Variants in FSTL5 observed in about 807,000 individuals in gnomAD.
FSTL5 encodes follistatin-related protein 5.
In FSTL5, 62 loss-of-function variants were observed where a neutral mutation model predicts 89.1. That is an observed-to-expected ratio of 0.70 (90% confidence interval 0.57 to 0.86). The LOEUF is 0.86. Ranked by LOEUF, FSTL5 falls within the 40% of genes least tolerant of loss-of-function variation. The pLI is 0.00. For missense variants in FSTL5, 1,057 were observed against 1,001.6 expected, an observed-to-expected ratio of 1.06 and a Z score of -0.75; for synonymous variants, 383 against 346.2, an observed-to-expected ratio of 1.11 and a Z score of -1.18.
chr4:161,898,872 G>T (rs562058239), intron 4 of FSTL5, among the ~76,000 whole-genome samples: 2 of 151,772 alleles, frequency 1.3e-5, no homozygotes, highest in Non-Finnish European at 2.9e-5. Context: ...CTAATGATCC[G>T]CCCGCCTCAG....
chr4:162,024,485 T>C (rs546312909), intron 3 of FSTL5, among the ~76,000 whole-genome samples: 3 of 152,294 alleles, frequency 2.0e-5, no homozygotes, highest in African/African-American at 4.8e-5. Flanking sequence ...GAGCTTATCA[T>C]TACCTTTTCT....
chr4:161,958,322 T>C (rs1249662855), intron 3 of FSTL5, among the ~76,000 whole-genome samples: 10 of 152,152 alleles, frequency 6.6e-5, no homozygotes, highest in Admixed American at 5.9e-4. Context: ...ATGTTCATTG[T>C]AACTACTGAT....
chr4:161,848,766 A>G (rs1731456340), intron 4 of FSTL5, among the ~76,000 whole-genome samples: 1 of 152,158 alleles, frequency 6.6e-6, no homozygotes, highest in Non-Finnish European at 1.5e-5. Flanking sequence ...AAATGTTCTG[A>G]TCCTCATGAA....
chr4:161,518,138 T>TTTCC (rs1730905017), intron 10 of FSTL5, among the ~76,000 whole-genome samples: 1 of 152,214 alleles, frequency 6.6e-6, no homozygotes, highest in Non-Finnish European at 1.5e-5. Flanking sequence ...TTGAAGATTG[T>TTTCC]TTCCTCCTGT....
chr4:161,543,867 A>T (rs980867102), intron 8 of FSTL5, among the ~76,000 whole-genome samples: 7 of 152,036 alleles, frequency 4.6e-5, no homozygotes, highest in African/African-American at 1.7e-4. Context: ...TCTAGATATG[A>T]CCCCAAAGCA....
intron 10 of FSTL5, among the ~76,000 whole-genome samples, chr4:161,518,734 C>G (rs769431939): frequency 6.6e-6 from 1 of 152,178 alleles, no homozygotes; most frequent in Non-Finnish European, 1.5e-5. Context: ...TTCCTTCAAA[C>G]CAAGTAAACA....
intron 15 of FSTL5, among the ~76,000 whole-genome samples, chr4:161,435,008 T>G (rs1477079467): frequency 6.6e-6 from 1 of 152,100 alleles, no homozygotes; most frequent in Non-Finnish European, 1.5e-5. Flanking sequence ...TGGGGAATAG[T>G]TTGGAAGTCC....
chr4:161,611,239 T>C (rs1044670750), intron 7 of FSTL5, among the ~76,000 whole-genome samples: 3 of 44,010 alleles, frequency 6.8e-5, no homozygotes, highest in East Asian at 9.9e-4. Context: ...TACATATATA[T>C]ATATATATAT....
chr4:161,662,429 A>C (rs1410535739), intron 6 of FSTL5, among the ~76,000 whole-genome samples: 1 of 152,202 alleles, frequency 6.6e-6, no homozygotes, highest in Admixed American at 6.5e-5. Context: ...TACCATAAAT[A>C]ATAGAACTAT....
chr4:162,024,420 T>A (rs1004117871), intron 3 of FSTL5, among the ~76,000 whole-genome samples: 9 of 152,076 alleles, frequency 5.9e-5, no homozygotes, highest in Admixed American at 5.2e-4. Flanking sequence ...ACACTGTTTC[T>A]AATATTTAAA....
chr4:161,525,621 C>A (rs2126522262), intron 10 of FSTL5, among the ~76,000 whole-genome samples: 1 of 152,178 alleles, frequency 6.6e-6, no homozygotes, highest in South Asian at 2.1e-4. Context: ...GGAGGTTCTT[C>A]CTAAACAGTT....
At chr4:161,493,058 T>A (rs1005947223) in intron 12 of FSTL5, among the ~76,000 whole-genome samples, 7 of 151,914 alleles carry the variant, frequency 4.6e-5, no homozygotes, top group African/African-American at 1.4e-4. Flanking sequence ...AAATTGAAAT[T>A]GTGAGAACTA....
At chr4:161,592,634 T>C (rs548883945) in intron 7 of FSTL5, among the ~76,000 whole-genome samples, 2 of 152,328 alleles carry the variant, frequency 1.3e-5, no homozygotes, top group African/African-American at 2.4e-5. Context: ...TAGTATTCCA[T>C]GGTGTATATG....
At chr4:161,919,799 T>G (rs907718334) in intron 4 of FSTL5, among the ~76,000 whole-genome samples, 1 of 141,926 alleles carries the variant, frequency 7.0e-6, no homozygotes, top group Admixed American at 7.4e-5. Flanking sequence ...GTAAAAATAA[T>G]GTATGGAATT....
intron 4 of FSTL5, among the ~76,000 whole-genome samples, chr4:161,898,922 C>A (rs1023841264): frequency 6.6e-6 from 1 of 152,114 alleles, no homozygotes; most frequent in Admixed American, 6.6e-5. Flanking sequence ...AGCCACCGCG[C>A]CCAGCCTGGC....
intron 4 of FSTL5, among the ~76,000 whole-genome samples, chr4:161,799,681 A>C (rs1475204825): frequency 6.6e-6 from 1 of 151,688 alleles, no homozygotes; most frequent in Non-Finnish European, 1.5e-5. Context: ...GCAGAGCATT[A>C]ATATATTTAT....
At chr4:161,396,284 G>A (rs1481108567) in intron 15 of FSTL5, among the ~76,000 whole-genome samples, 1 of 151,944 alleles carries the variant, frequency 6.6e-6, no homozygotes, top group Non-Finnish European at 1.5e-5. Context: ...TGATTATAAA[G>A]CAGTAGACTA....
chr4:162,064,663 T>C (rs1365298885), intron 2 of FSTL5, among the ~76,000 whole-genome samples: 3 of 151,966 alleles, frequency 2.0e-5, no homozygotes, highest in Non-Finnish European at 4.4e-5. Flanking sequence ...ACAACAGATC[T>C]TAGGGAATCT....
chr4:162,067,850 G>T (rs535852391), intron 2 of FSTL5, among the ~76,000 whole-genome samples: 10 of 152,138 alleles, frequency 6.6e-5, no homozygotes, highest in African/African-American at 2.4e-4. Context: ...CTTCAGCAAA[G>T]TCTCAGGATA....
Sources: allele counts gnomAD v4.1 joint callset (sites outside exome capture counted in the v4.1 genomes callset), GRCh38; gene constraint gnomAD v4.1.1; transcripts MANE v1.5; gene names NCBI Gene and HGNC (gene_info 2026-07-23, HGNC 2026-07-21).